Variants in NOP2 observed in about 807,000 individuals in gnomAD.
NOP2 encodes the protein NOP2 nucleolar protein.
Under a neutral mutation model 72.7 loss-of-function variants are expected in NOP2, and 7 were observed. The observed-to-expected ratio is 0.10, with a 90% CI of 0.05 to 0.18. NOP2 has a LOEUF of 0.18. Among genes scored for constraint, NOP2 ranks in the 10% least tolerant of loss-of-function variants. The pLI, the probability that NOP2 is intolerant of heterozygous loss-of-function variation, is 1.00. For synonymous variants in NOP2, 387 were observed against 388.0 expected (o/e 1.00, Z 0.03); for missense variants, 954 against 1,014.7 (o/e 0.94, Z 0.81).
intron 5 of NOP2, 70 bp downstream of exon 5, chr12:6,566,031 T>A (rs1263105002): frequency 7.6e-7 from 1 of 1,315,886 alleles, no homozygotes; most frequent in Non-Finnish European, 1.1e-6. Flanking sequence ...TAAGAAACAG[T>A]CTCAAGAATC....
Position 6,566,165 on chromosome 12 carries a change from T to A in NOP2, c.410A>T (p.Asp137Val). Residue 137 changes from aspartate (D) to valine (V), a missense_variant, in exon 5 of 16, where the codon GAT becomes GTT. Asp to Val is a radical substitution (Grantham distance 152). This residue lies in a region of NOP2 where 498 missense variants were observed against 478.3 expected (regional missense o/e 1.04). Transcript: ENST00000322166. Reference sequence around the variant, plus strand: ...TCCATAGTCATCTACCGTATCAGCATCGTCCTCGGAGCCCCAGAGGTCCCC... The same window carrying A: ...TCCATAGTCATCTACCGTATCAGCAACGTCCTCGGAGCCCCAGAGGTCCCC... ...NHGDLWGSED[D>V]ADTVDDYGAD... The A allele has an allele frequency of 1.9e-6, 3 of 1,614,022 alleles. No homozygotes were observed. The highest frequency in any genetic ancestry group is 2.5e-6 in the Non-Finnish European group (3 of 1,179,884).
In NOP2 at chr12:6,557,306, T is replaced by C. The variant is rs769875087; in HGVS notation, c.2126A>G (p.Lys709Arg). The change falls in exon 16 of 16, where the codon AAG becomes AGG. Residue 709 changes from lysine to arginine, a missense_variant. Transcript: ENST00000322166. ...ATTCTGCCTGAGGAAAGCAACTTTCTTGGAGGACTGTAATTTAGGTGATCG... is the reference window on the plus strand; with the variant it reads ...ATTCTGCCTGAGGAAAGCAACTTTCCTGGAGGACTGTAATTTAGGTGATCG... ...KQRSPKLQSS[K>R]KVAFLRQNAP... The C allele has an allele frequency of 5.0e-6, 8 of 1,613,926 alleles. No homozygotes were observed. The East Asian group carries it at 1.6e-4, about 31-fold the overall frequency.
chr12:6,560,723 T>C lies in NOP2; in HGVS notation c.1412A>G (p.Lys471Arg), dbSNP rs1351906923. Residue 471 changes from lysine to arginine, a missense_variant, in exon 13 of 16, where the codon AAG becomes AGG. Lys to Arg is a conservative substitution (Grantham distance 26). Around this residue, in one of 3 missense-constraint regions of NOP2, gnomAD observed 187 missense variants for 276.2 expected, o/e 0.68. Coordinates refer to ENST00000322166, the MANE Select transcript of NOP2 (RefSeq NM_001258308.2). This position sits in a 1 kb window ranked among gnomAD's most constrained non-coding sequence, Gnocchi z 5.0. ...APCSGTGVIS[K>R]DPAVKTNKDE... Reference sequence around the variant, plus strand: ...CTTGTTAGTCTTCACGGCTGGATCCTTGGAGATGACCCCAGTGCCACTGCA... The same window carrying C: ...CTTGTTAGTCTTCACGGCTGGATCCCTGGAGATGACCCCAGTGCCACTGCA... 1.3e-5 allele frequency: 21 copies of C among 1,613,440 alleles called. No homozygotes were observed. Among genetic ancestry groups the C allele is most frequent in the Admixed American group, 5.0e-5 (3 of 59,958 alleles).
In NOP2 at chr12:6,567,884, C is replaced by T. The variant is rs1250496977; in HGVS notation, c.35G>A (p.Arg12Gln). Reference sequence around the variant, plus strand: ...CTTCCGGGCCTTTCGGCCTGGCCCCCGCTTCTCCTTCGTAGGGTCCAACTT... The same window carrying T: ...CTTCCGGGCCTTTCGGCCTGGCCCCTGCTTCTCCTTCGTAGGGTCCAACTT... Reference protein sequence around the residue: ...GRKLDPTKEKRGPGRKARKQK... With the variant: ...GRKLDPTKEKQGPGRKARKQK... Residue 12 changes from arginine to glutamine, a missense_variant, in exon 2 of 16, where the codon CGG becomes CAG. Physicochemically the swap from Arg to Gln is conservative, Grantham distance 43. Transcript: ENST00000322166. 2 of 1,613,928 alleles carry T rather than the reference C, an allele frequency of 1.2e-6. No individual in the cohort carries two copies. The highest frequency in any genetic ancestry group is 8.5e-7 in the Non-Finnish European group (1 of 1,179,906).
In NOP2 at chr12:6,557,514, G is replaced by C; in HGVS notation, c.1918C>G (p.Gln640Glu). 1.2e-6 allele frequency: 2 copies of C among 1,613,906 alleles called. No homozygotes were observed. The highest frequency in any genetic ancestry group is 1.7e-6 in the Non-Finnish European group (2 of 1,179,868). ...AKTKQQLQKQ[Q>E]HPKKASFQKL... ...TGGAAGGAGGCCTTCTTGGGATGTTGCTGTTTCTGCAGCTGCTGCTTTGTC... is the reference window on the plus strand; with the variant it reads ...TGGAAGGAGGCCTTCTTGGGATGTTCCTGTTTCTGCAGCTGCTGCTTTGTC... The change falls in exon 16 of 16, where the codon CAA becomes GAA. Residue 640 changes from glutamine (Q) to glutamate (E), a missense_variant. Physicochemically the swap from Gln to Glu is conservative, Grantham distance 29 (BLOSUM62 2). Around this residue, in one of 3 missense-constraint regions of NOP2, gnomAD observed 269 missense variants for 260.2 expected, o/e 1.03. Transcript: ENST00000322166.
intron 1 of NOP2, 24 bp downstream of exon 1, chr12:6,568,183 T>C (rs931790871): frequency 1.7e-5 from 8 of 484,296 alleles, no homozygotes; most frequent in Non-Finnish European, 3.0e-5. Context: ...CCACTCTTCG[T>C]CCCCCAATTT....
At chr12:6,567,960 G>C (rs774632037) in intron 1 of NOP2, 38 bp from the exon 2 acceptor site, 5 of 1,522,658 alleles carry the variant, frequency 3.3e-6, no homozygotes, top group Non-Finnish European at 4.6e-6. Flanking sequence ...GGCGTCGCGC[G>C]TGTCGGAGGG....
intron 4 of NOP2, 67 bp downstream of exon 4, chr12:6,566,462 C>G: frequency 3.9e-6 from 6 of 1,538,272 alleles, no homozygotes; most frequent in Non-Finnish European, 5.4e-6. Flanking sequence ...AAATGTTTAG[C>G]GAGTTCTTCC....
chr12:6,562,006 TGAGATGGA>T (rs1947665182), intron 9 of NOP2, 35 bp from the exon 10 acceptor site: 1 of 1,289,674 alleles, frequency 7.8e-7, no homozygotes, highest in African/African-American at 1.5e-5. Context: ...TTTTTTTTTT[TGAGATGGA>T]GTCTCACTCT....
At position 6,557,087 on chromosome 12, in the gene NOP2, G is replaced by A. The variant is rs754537421; in HGVS notation, c.2345C>T (p.Pro782Leu). 1.9e-6 allele frequency: 3 copies of A among 1,613,888 alleles called. No homozygotes were observed. Among genetic ancestry groups the A allele is most frequent in the East Asian group, 2.2e-5 (1 of 44,884 alleles). The change falls in exon 16 of 16, where the codon CCT becomes CTT. Residue 782 changes from proline to leucine, a missense_variant. Physicochemically the swap from Pro to Leu is moderately conservative, Grantham distance 98. Coordinates refer to ENST00000322166, the MANE Select transcript of NOP2 (RefSeq NM_001258308.2). ...KQNDTPKGPQPPTVSPIRSSR... is the reference protein window; with the variant it reads ...KQNDTPKGPQLPTVSPIRSSR... ...GGAACGGATGGGAGACACAGTGGGAGGCTGAGGCCCCTTGGGGGTATCATT... is the reference window on the plus strand; with the variant it reads ...GGAACGGATGGGAGACACAGTGGGAAGCTGAGGCCCCTTGGGGGTATCATT...
intron 9 of NOP2, 120 bp from the exon 10 acceptor site, chr12:6,562,091 C>T (rs897473095): frequency 5.5e-6 from 4 of 732,710 alleles, no homozygotes; most frequent in Non-Finnish European, 2.3e-6. Flanking sequence ...CAGATTCAAG[C>T]GATTCTCTCG....
chr12:6,564,682 G>A (rs1947733802), intron 5 of NOP2, among the ~76,000 whole-genome samples: 2 of 151,070 alleles, frequency 1.3e-5, no homozygotes, highest in African/African-American at 4.9e-5. Flanking sequence ...GCCCACCTCG[G>A]CCTCCCAAAG....
rs1394671084 is a variant in NOP2 at position 6,557,234 on chromosome 12, G to A, written c.2198C>T (p.Pro733Leu). The change falls in exon 16 of 16, where the codon CCA becomes CTA. Residue 733 changes from proline (P) to leucine (L), a missense_variant. Transcript: ENST00000322166. ...TDTQTPAVLS[P>L]SKTQATLKPK... ...TTTCAGGGTGGCCTGAGTCTTGGATGGGGATAACACAGCCGGTGTTTGTGT... is the reference window on the plus strand; with the variant it reads ...TTTCAGGGTGGCCTGAGTCTTGGATAGGGATAACACAGCCGGTGTTTGTGT... The A allele has an allele frequency of 1.2e-6, 2 of 1,614,042 alleles. No individual in the cohort carries two copies. The highest frequency in any genetic ancestry group is 2.2e-5 in the South Asian group (2 of 91,088).
At position 6,565,097 on chromosome 12, in the gene NOP2, G is replaced by T. The variant is rs529598388; in HGVS notation, c.474+1004C>A. 3.3e-5 allele frequency among the ~76,000 whole-genome samples: 5 copies of T among 151,572 alleles called. No individual in the cohort carries two copies. The South Asian group carries it at 1.0e-3, about 32-fold the overall frequency. Reference sequence around the variant, plus strand: ...CCTGCACCTCAGTAAAGAACTATTTGCTGACATTTTGGATCATCTTCCTTA... The same window carrying T: ...CCTGCACCTCAGTAAAGAACTATTTTCTGACATTTTGGATCATCTTCCTTA... On this transcript the variant is annotated intron_variant, in intron 5 of 15. Coordinates refer to ENST00000322166, the MANE Select transcript of NOP2 (RefSeq NM_001258308.2).
intron 9 of NOP2, among the ~76,000 whole-genome samples, chr12:6,562,767 CT>C (rs1339356901): frequency 1.3e-5 from 2 of 152,170 alleles, no homozygotes; most frequent in Non-Finnish European, 2.9e-5. Flanking sequence ...GCATATGTGT[CT>C]TTTTTGTGCA....
At chr12:6,566,685 C>T in intron 3 of NOP2, 68 bp from the exon 4 acceptor site, 2 of 1,579,292 alleles carry the variant, frequency 1.3e-6, no homozygotes, top group Admixed American at 1.7e-5. Context: ...GCCATTTCCA[C>T]CATAGGGAAA....
chr12:6,558,676 C>G (rs1947570121), intron 15 of NOP2, among the ~76,000 whole-genome samples: 1 of 149,064 alleles, frequency 6.7e-6, no homozygotes, highest in Non-Finnish European at 1.5e-5. Flanking sequence ...GTGGTGCCAT[C>G]ATAGCTCACT....
In NOP2 at chr12:6,567,899, G is replaced by C. The variant is rs371872788; in HGVS notation, c.20C>G (p.Pro7Arg). 3.1e-6 allele frequency: 5 copies of C among 1,613,994 alleles called. No homozygotes were observed. Among genetic ancestry groups the C allele is most frequent in the Non-Finnish European group, 3.4e-6 (4 of 1,179,884 alleles). The change falls in exon 2 of 16, where the codon CCT (proline) becomes CGT (arginine). Residue 7 changes from proline (P) to arginine (R), a missense_variant. Pro to Arg is a moderately radical substitution (Grantham distance 103). Coordinates refer to ENST00000322166, the MANE Select transcript of NOP2 (RefSeq NM_001258308.2). MGRKLD[P>R]TKEKRGPGRK... ...GCCTGGCCCCCGCTTCTCCTTCGTAGGGTCCAACTTGCGCCCCATGGTACT... is the reference window on the plus strand; with the variant it reads ...GCCTGGCCCCCGCTTCTCCTTCGTACGGTCCAACTTGCGCCCCATGGTACT...
rs766439954 is a variant in NOP2, at chr12:6,567,896, G to A, written c.23C>T (p.Thr8Met). Residue 8 changes from threonine to methionine, a missense_variant, in exon 2 of 16, where the codon ACG becomes ATG. Physicochemically the swap from Thr to Met is moderately conservative, Grantham distance 81. Transcript: ENST00000322166. ...TCGGCCTGGCCCCCGCTTCTCCTTC[G>A]TAGGGTCCAACTTGCGCCCCATGGT... MGRKLDP[T>M]KEKRGPGRKA... The A allele has an allele frequency of 1.9e-6, 3 of 1,613,964 alleles. No individual in the cohort carries two copies. The highest frequency in any genetic ancestry group is 2.5e-6 in the Non-Finnish European group (3 of 1,179,876).
Sources: allele counts gnomAD v4.1 joint callset (sites outside exome capture counted in the v4.1 genomes callset), GRCh38; gene constraint gnomAD v4.1.1; regional missense constraint gnomAD v4.1.1; non-coding constraint Gnocchi (gnomAD v3.1); transcripts MANE v1.5; gene names NCBI Gene and HGNC (gene_info 2026-07-23, HGNC 2026-07-21).